Variants in HSF5 observed in about 807,000 individuals in gnomAD.
HSF5 encodes the protein heat shock factor protein 5.
Under a neutral mutation model 50.8 loss-of-function variants are expected in HSF5, and 5 were observed. The ratio of observed to expected loss-of-function variants is 0.10; its 90% CI spans 0.05 to 0.21. The LOEUF (loss-of-function observed/expected upper bound fraction) is 0.21. Ranked by LOEUF, HSF5 falls within the 10% of genes least tolerant of loss-of-function variation. The pLI is 1.00. For synonymous variants in HSF5, 307 were observed against 307.4 expected, an observed-to-expected ratio of 1.00 and a Z score of 0.02; for missense variants, 564 against 762.6, an observed-to-expected ratio of 0.74 and a Z score of 3.07.
At chr17:58,429,801 A>T (rs1005599236) in intron 5 of HSF5, among the ~76,000 whole-genome samples, 8 of 151,196 alleles carry the variant, frequency 5.3e-5, no homozygotes, top group Non-Finnish European at 1.2e-4. Context: ...AGCCAAGATC[A>T]CACCACTGCA....
Position 58,422,368 on chromosome 17 carries a change from T to G in HSF5, c.1783A>C (p.Lys595Gln). 1.9e-6 allele frequency: 3 copies of G among 1,613,424 alleles called. No individual in the cohort carries two copies. Among genetic ancestry groups the G allele is most frequent in the Non-Finnish European group, 2.5e-6 (3 of 1,179,386 alleles). The change falls in exon 6 of 6, where the codon AAA (lysine) becomes CAA (glutamine). Residue 595 changes from lysine (K) to glutamine (Q), a missense_variant. By Grantham distance (53) the Lys-to-Gln change is moderately conservative. Transcript: ENST00000323777. Reference protein sequence around the residue: ...QERFPKEEELKE With the variant: ...QERFPKEEELQE ...CATTTGTCATCCATTCCTCACTCTT[T>G]TAATTCTTCCTCCTTTGGAAAGCGC...
In HSF5 at chr17:58,479,981, T is replaced by C. The variant is rs1975075054; in HGVS notation, c.837A>G (p.Gln279=). 3 of 1,614,160 alleles carry C rather than the reference T, an allele frequency of 1.9e-6. No homozygotes were observed. Among genetic ancestry groups the C allele is most frequent in the African/African-American group, 1.3e-5 (1 of 75,044 alleles). ...AGCTGACCATTGTTTGAGGACCTTG[T>C]TGAACATGTACAGATGTGGTGCTGG... is the stretch of plus-strand genomic sequence containing the variant. ...LQPSTTSVHV[Q]QGPQTMVSSS... Residue 279 remains glutamine, a synonymous_variant, in exon 2 of 6, where the codon CAA becomes CAG. Transcript: ENST00000323777.
chr17:58,427,896 A>G (rs1050459852), intron 5 of HSF5, among the ~76,000 whole-genome samples: 8 of 152,208 alleles, frequency 5.3e-5, no homozygotes, highest in African/African-American at 1.9e-4. Context: ...CAGATAATAA[A>G]TATTTTAGGC....
rs757025651 is a variant in HSF5 at position 58,488,063 on chromosome 17, A to AGCTCGG, written c.206_211dup (p.Pro69_Glu70dup). 1.3e-6 allele frequency: 2 copies of AGCTCGG among 1,593,976 alleles called. No individual in the cohort carries two copies. Among genetic ancestry groups the AGCTCGG allele is most frequent in the African/African-American group, 1.4e-5 (1 of 73,094 alleles). On this transcript the variant is annotated inframe_insertion, in exon 1 of 6. Transcript: ENST00000323777. This position sits in a 1 kb window ranked among gnomAD's most constrained non-coding sequence, Gnocchi z 4.1. The stretch of plus-strand genomic sequence containing the variant: ...GCTGGTGAAGCTGGTGGTTTTGAAG[A>AGCTCGG]GCTCGGGCTCGGCCCCGGCCCCCGC...
At chr17:58,424,423 T>C (rs1974265816) in intron 5 of HSF5, among the ~76,000 whole-genome samples, 1 of 151,734 alleles carries the variant, frequency 6.6e-6, no homozygotes, top group African/African-American at 2.4e-5. Flanking sequence ...CCATCCTGGC[T>C]AATATGGTGA....
In HSF5 at chr17:58,480,243, T is replaced by G; in HGVS notation, c.575A>C (p.His192Pro). The change falls in exon 2 of 6, where the codon CAC (histidine) becomes CCC (proline). Residue 192 changes from histidine to proline, a missense_variant. Physicochemically the swap from His to Pro is moderately conservative, Grantham distance 77. This residue lies in a region of HSF5 where 441 missense variants were observed against 533.6 expected (regional missense o/e 0.83). Transcript: ENST00000323777. ...CAAACTATCTCGACGAAATGACCGG[T>G]GAAATTGTCCTACAGCCACTGGTCC... is the stretch of plus-strand genomic sequence containing the variant. Reference protein sequence around the residue: ...PHGPVAVGQFHRSFRRDSLSP... With the variant: ...PHGPVAVGQFPRSFRRDSLSP... 2 of 1,611,404 alleles carry G rather than the reference T, an allele frequency of 1.2e-6. No homozygotes were observed. Among genetic ancestry groups the G allele is most frequent in the Non-Finnish European group, 1.7e-6 (2 of 1,178,544 alleles).
At chr17:58,450,772 TTTAA>T (rs1360723997) in intron 5 of HSF5, among the ~76,000 whole-genome samples, 1 of 145,444 alleles carries the variant, frequency 6.9e-6, no homozygotes, top group Admixed American at 6.9e-5. Context: ...AAAAAAGGAC[TTTAA>T]TTAAAACCAA....
chr17:58,472,708 C>T (rs1417268805), intron 2 of HSF5, among the ~76,000 whole-genome samples: 2 of 152,102 alleles, frequency 1.3e-5, no homozygotes, highest in African/African-American at 4.8e-5. Flanking sequence ...CTAGTTCATT[C>T]CATTCAATAA....
chr17:58,427,008 T>C (rs1974304072), intron 5 of HSF5, among the ~76,000 whole-genome samples: 1 of 152,096 alleles, frequency 6.6e-6, no homozygotes. Flanking sequence ...TCCTAGCACT[T>C]TGGGAGGCTG....
At chr17:58,449,179 A>C (rs1255996692) in intron 5 of HSF5, among the ~76,000 whole-genome samples, 1 of 152,256 alleles carries the variant, frequency 6.6e-6, no homozygotes, top group African/African-American at 2.4e-5. Context: ...ATAAACTACC[A>C]AAGAAAATCA....
At chr17:58,458,436 C>T (rs892653324) in intron 5 of HSF5, among the ~76,000 whole-genome samples, 3 of 152,184 alleles carry the variant, frequency 2.0e-5, no homozygotes, top group Non-Finnish European at 4.4e-5. Flanking sequence ...ACTACAATTT[C>T]GAAGTCTGGC....
intron 2 of HSF5, chr17:58,476,791 A>G: frequency 6.3e-7 from 1 of 1,595,088 alleles, no homozygotes; most frequent in Non-Finnish European, 8.6e-7. Flanking sequence ...CTACTTTCAA[A>G]ATCTCCTCAC....
At chr17:58,435,013 G>T (rs1199865141) in intron 5 of HSF5, among the ~76,000 whole-genome samples, 1 of 152,152 alleles carries the variant, frequency 6.6e-6, no homozygotes, top group Non-Finnish European at 1.5e-5. Flanking sequence ...AGCGTGTAGG[G>T]TTACAATTGG....
intron 5 of HSF5, among the ~76,000 whole-genome samples, chr17:58,425,575 C>CAAAAAAAAAAAAAAA (rs66502039): frequency 3.0e-5 from 1 of 32,990 alleles, no homozygotes; most frequent in Admixed American, 5.2e-4. Flanking sequence ...ACCTCTATCT[C>CAAAAAAAAAAAAAAA]AAAAAAAAAA....
At chr17:58,426,021 T>C (rs1223146486) in intron 5 of HSF5, among the ~76,000 whole-genome samples, 1 of 152,172 alleles carries the variant, frequency 6.6e-6, no homozygotes, top group Non-Finnish European at 1.5e-5. Flanking sequence ...TATAGAGACA[T>C]ACCAGCTCCA....
In HSF5 at chr17:58,463,237, C is replaced by T; in HGVS notation, c.1087G>A (p.Asp363Asn). Residue 363 changes from aspartate to asparagine, a missense_variant, in exon 4 of 6, where the codon GAT becomes AAT. Physicochemically the swap from Asp to Asn is conservative, Grantham distance 23 (BLOSUM62 1). Coordinates refer to ENST00000323777, the MANE Select transcript of HSF5 (RefSeq NM_001080439.3). Reference sequence around the variant, plus strand: ...TTTACTTCTGTCTTTGTATTTTCATCAGTAGTACTGCAGGGCCAATTGGAA... The same window carrying T: ...TTTACTTCTGTCTTTGTATTTTCATTAGTAGTACTGCAGGGCCAATTGGAA... The part of the protein sequence containing the change: ...LPSNWPCSTT[D>N]ENTKTEVNLE... 6.2e-7 allele frequency: 1 copy of T among 1,614,000 alleles called. No individual in the cohort carries two copies. The highest frequency in any genetic ancestry group is 1.6e-4 in the Middle Eastern group (1 of 6,062).
chr17:58,466,198 T>C (rs1249530214), intron 3 of HSF5, among the ~76,000 whole-genome samples: 2 of 152,190 alleles, frequency 1.3e-5, no homozygotes, highest in East Asian at 3.8e-4. Context: ...GCATTTTGAC[T>C]AAGGGATACT....
chr17:58,446,091 C>T (rs1333591947), intron 5 of HSF5, among the ~76,000 whole-genome samples: 4 of 149,426 alleles, frequency 2.7e-5, no homozygotes, highest in South Asian at 4.2e-4. Context: ...GAGCCAAAAT[C>T]GCGCCACTGC....
intron 2 of HSF5, among the ~76,000 whole-genome samples, chr17:58,475,212 C>T (rs1262289053): frequency 6.6e-6 from 1 of 152,058 alleles, no homozygotes; most frequent in Non-Finnish European, 1.5e-5. Context: ...GCCAACGATA[C>T]AAGTATATGG....
Sources: gnomAD v4.1 joint callset for allele counts (sites outside exome capture counted in the v4.1 genomes callset) on GRCh38, gnomAD v4.1.1 for gene constraint, gnomAD v4.1.1 regional missense constraint, Gnocchi (gnomAD v3.1) non-coding constraint, MANE v1.5 for transcripts, NCBI Gene and HGNC (gene_info 2026-07-23, HGNC 2026-07-21) for gene names.